Variants in MCTP2 observed in about 807,000 individuals in gnomAD.
The protein encoded by MCTP2 is multiple C2 and transmembrane domain containing 2, also known as multiple C2 and transmembrane domain-containing protein 2.
In MCTP2, 132 loss-of-function variants were observed where a neutral mutation model predicts 111.6. The observed-to-expected ratio is 1.18, with a 90% CI of 1.03 to 1.37. The LOEUF (loss-of-function observed/expected upper bound fraction) is 1.37, where lower values mean the gene tolerates loss of function less well. Ranked by LOEUF, MCTP2 falls within the 40% of genes most tolerant of loss-of-function variation. MCTP2 has a pLI of 0.00. For synonymous variants in MCTP2, 395 were observed against 387.7 expected (o/e 1.02, Z -0.22); for missense variants, 1,183 against 1,067.9 (o/e 1.11, Z -1.50).
chr15:94,255,322 G>A (rs1304263169), intron 1 of MCTP2, among the ~76,000 whole-genome samples: 1 of 152,108 alleles, frequency 6.6e-6, no homozygotes, highest in Non-Finnish European at 1.5e-5. Context: ...GGAATATAAT[G>A]TAGAATGGAA....
chr15:94,392,100 G>A (rs1181386289), intron 14 of MCTP2, among the ~76,000 whole-genome samples: 2 of 152,122 alleles, frequency 1.3e-5, no homozygotes, highest in Admixed American at 6.6e-5. Flanking sequence ...GGCCAGGCGC[G>A]GTGGCTCATG....
At chr15:94,310,262 A>G (rs1219830677) in intron 2 of MCTP2, among the ~76,000 whole-genome samples, 2 of 152,208 alleles carry the variant, frequency 1.3e-5, no homozygotes, top group Admixed American at 1.3e-4. Flanking sequence ...AGAAAAGATA[A>G]AACTATATGA....
chr15:94,242,376 A>G (rs984241833), intron 1 of MCTP2, among the ~76,000 whole-genome samples: 7 of 152,198 alleles, frequency 4.6e-5, no homozygotes, highest in Admixed American at 2.6e-4. Flanking sequence ...ATAAATGTCT[A>G]TTATTCAAGG....
intron 1 of MCTP2, among the ~76,000 whole-genome samples, chr15:94,240,077 GTTTGT>G (rs926345685): frequency 2.0e-5 from 3 of 149,378 alleles, no homozygotes; most frequent in African/African-American, 2.5e-5. Context: ...TTTTTTTTTT[GTTTGT>G]TTTGTTTTTT....
At chr15:94,310,220 A>C (rs2076063120) in intron 2 of MCTP2, among the ~76,000 whole-genome samples, 1 of 152,236 alleles carries the variant, frequency 6.6e-6, no homozygotes, top group Admixed American at 6.5e-5. Context: ...CAAACATTTA[A>C]ATACTGTATG....
chr15:94,245,285 CAT>C (rs543216441), intron 1 of MCTP2, among the ~76,000 whole-genome samples: 8 of 138,240 alleles, frequency 5.8e-5, no homozygotes, highest in Admixed American at 2.2e-4. Flanking sequence ...CGTATATACA[CAT>C]ATGTATATAT....
At chr15:94,458,269 G>A in intron 20 of MCTP2, 23 bp downstream of exon 20, 2 of 1,415,386 alleles carry the variant, frequency 1.4e-6, no homozygotes, top group Admixed American at 1.7e-5. Context: ...TTTGTGTTGT[G>A]GTGTTTGCAG....
chr15:94,451,176 A>G (rs537574524), intron 19 of MCTP2, among the ~76,000 whole-genome samples: 12 of 152,366 alleles, frequency 7.9e-5, no homozygotes, highest in African/African-American at 2.9e-4. Context: ...CATTTTATAA[A>G]TGAATAATGA....
At chr15:94,287,387 G>A (rs1215448575) in intron 1 of MCTP2, among the ~76,000 whole-genome samples, 2 of 152,066 alleles carry the variant, frequency 1.3e-5, no homozygotes, top group African/African-American at 4.8e-5. Flanking sequence ...GCTGTTTATT[G>A]GAGAAGTGAC....
At chr15:94,328,378 TTGG>T (rs2076984379) in intron 4 of MCTP2, among the ~76,000 whole-genome samples, 1 of 152,164 alleles carries the variant, frequency 6.6e-6, no homozygotes, top group Admixed American at 6.5e-5. Flanking sequence ...TCCACCCGCC[TTGG>T]CCTCCCAAAG....
chr15:94,482,066 C>T lies in MCTP2; in HGVS notation c.*3032C>T, dbSNP rs1028501897. ...GTTTATTTCTAGGTGGTAAAACAATCTTCTGGATTCTTTTTTCTTTACTTG... is the reference window on the plus strand; with the variant it reads ...GTTTATTTCTAGGTGGTAAAACAATTTTCTGGATTCTTTTTTCTTTACTTG... On this transcript the variant is annotated 3_prime_UTR_variant, in exon 23 of 23. Transcript: ENST00000357742. 2.6e-5 allele frequency: 4 copies of T among 152,170 alleles called. No individual in the cohort carries two copies. The highest frequency in any genetic ancestry group is 5.9e-5 in the Non-Finnish European group (4 of 68,028). The allele number at this position is 152,170 out of a possible 1,614,324, so 9.4% of individuals were successfully genotyped here.
intron 10 of MCTP2, among the ~76,000 whole-genome samples, chr15:94,365,947 T>C (rs574976749): frequency 1.5e-4 from 23 of 152,278 alleles, no homozygotes; most frequent in African/African-American, 4.6e-4. Flanking sequence ...TAAATGAAAG[T>C]GTATATAACA....
intron 17 of MCTP2, among the ~76,000 whole-genome samples, chr15:94,414,688 A>G (rs747877200): frequency 6.6e-6 from 1 of 152,122 alleles, no homozygotes; most frequent in Non-Finnish European, 1.5e-5. Context: ...TTTCTTTTGC[A>G]TATTCCAGTG....
intron 19 of MCTP2, among the ~76,000 whole-genome samples, chr15:94,445,965 C>G (rs1199712001): frequency 6.6e-6 from 1 of 152,182 alleles, no homozygotes; most frequent in Non-Finnish European, 1.5e-5. Flanking sequence ...ACAACTTCCT[C>G]AGGAGATGAA....
intron 1 of MCTP2, among the ~76,000 whole-genome samples, chr15:94,276,947 C>CAAAAAA (rs71132999): frequency 1.7e-5 from 2 of 118,782 alleles, no homozygotes; most frequent in African/African-American, 3.1e-5. Flanking sequence ...GTTGGAAGCC[C>CAAAAAA]AAAAAAAAAA....
At chr15:94,259,104 T>G (rs922173365) in intron 1 of MCTP2, among the ~76,000 whole-genome samples, 2 of 152,194 alleles carry the variant, frequency 1.3e-5, no homozygotes, top group Non-Finnish European at 2.9e-5. Context: ...CCCTGGGCCA[T>G]GCTCACTCAG....
chr15:94,286,636 C>T (rs2074770525), intron 1 of MCTP2, among the ~76,000 whole-genome samples: 1 of 152,190 alleles, frequency 6.6e-6, no homozygotes, highest in South Asian at 2.1e-4. Flanking sequence ...CTCTTTCCTA[C>T]CTTGCGGTTC....
At chr15:94,298,005 T>A (rs2075354272) in intron 1 of MCTP2, among the ~76,000 whole-genome samples, 196 bp from the exon 2 acceptor site, 1 of 152,220 alleles carries the variant, frequency 6.6e-6, no homozygotes, top group African/African-American at 2.4e-5. Context: ...TAAAATTCTT[T>A]TAAAAAGTTC....
chr15:94,478,628 A>G (rs998975153), intron 22 of MCTP2, among the ~76,000 whole-genome samples: 9 of 152,238 alleles, frequency 5.9e-5, no homozygotes, highest in Non-Finnish European at 1.3e-4. Context: ...TGTATCATAT[A>G]CTAAGATAAA....
Sources: allele counts gnomAD v4.1 joint callset (sites outside exome capture counted in the v4.1 genomes callset), GRCh38; gene constraint gnomAD v4.1.1; transcripts MANE v1.5; gene names NCBI Gene and HGNC (gene_info 2026-07-23, HGNC 2026-07-21).